The following GSAP variants were observed in gnomAD, a reference collection of about 807,000 sequenced individuals.
The protein encoded by GSAP is gamma-secretase-activating protein.
GSAP carries 118 observed loss-of-function variants against 131.7 expected under a neutral mutation model. The observed-to-expected ratio is 0.90, with a 90% confidence interval of 0.77 to 1.04. The LOEUF is 1.04. Among genes scored for constraint, GSAP ranks in the 50% least tolerant of loss-of-function variants. The pLI is 0.00. For missense variants in GSAP, 1,019 were observed against 1,013.2 expected (o/e 1.01, Z -0.08); for synonymous variants, 381 against 363.4 (o/e 1.05, Z -0.55).
intron 25 of GSAP, 26 bp from the exon 26 acceptor site, chr7:77,320,845 G>A: frequency 1.4e-6 from 2 of 1,401,950 alleles, no homozygotes; most frequent in Non-Finnish European, 2.0e-6. Flanking sequence ...AAAGCAGCAT[G>A]TCAGCCAAGG....
intron 28 of GSAP, 68 bp from the exon 29 acceptor site, chr7:77,312,270 T>TA: frequency 1.4e-6 from 1 of 719,624 alleles, no homozygotes; most frequent in Non-Finnish European, 2.3e-6. Flanking sequence ...ACCTTATATC[T>TA]ATTCATAATT....
At chr7:77,407,018 T>C (rs1013642669) in intron 1 of GSAP, among the ~76,000 whole-genome samples, 15 of 152,154 alleles carry the variant, frequency 9.9e-5, no homozygotes, top group Admixed American at 3.9e-4. Context: ...AGAGTATGGC[T>C]GGCCAGCGGG....
chr7:77,414,919 G>T (rs1395743157), intron 1 of GSAP, among the ~76,000 whole-genome samples: 6 of 127,716 alleles, frequency 4.7e-5, no homozygotes, highest in African/African-American at 8.9e-5. Flanking sequence ...GTGCAGTGGC[G>T]AGATCTCGGC....
rs886760904 is a variant in GSAP, at chr7:77,310,808, TAAAAA to T, written c.*545_*549del. 1 of 150,330 alleles carries T rather than the reference TAAAAA, an allele frequency of 6.7e-6. No individual in the cohort carries two copies. Among genetic ancestry groups the T allele is most frequent in the African/African-American group, 2.4e-5 (1 of 41,072 alleles). The allele number at this position is 150,330 out of a possible 1,614,324, so 9.3% of individuals were successfully genotyped here. A position where few individuals can be genotyped will look rare whatever the true frequency, so the allele number is the denominator to read the frequency against. Reference sequence around the variant, plus strand: ...TATTCCTAAATCAACCTTTTATAAATAAAAAAAAATAAATATGTTTCATCTGAATT... The same window carrying T: ...TATTCCTAAATCAACCTTTTATAAATAAAATAAATATGTTTCATCTGAATT... On this transcript the variant is annotated 3_prime_UTR_variant, in exon 31 of 31. Coordinates refer to ENST00000257626, the MANE Select transcript of GSAP (RefSeq NM_017439.4).
chr7:77,362,055 T>C (rs985300885), intron 13 of GSAP, among the ~76,000 whole-genome samples: 1 of 152,188 alleles, frequency 6.6e-6, no homozygotes, highest in African/African-American at 2.4e-5. Flanking sequence ...TAGAAAAATA[T>C]ATAGGCCAGG....
chr7:77,398,779 AAG>A (rs1554432540), intron 3 of GSAP, among the ~76,000 whole-genome samples: 1 of 152,102 alleles, frequency 6.6e-6, no homozygotes. Context: ...AACAAAAAAA[AAG>A]GTCAAAAGAA....
At chr7:77,351,547 C>G (rs964026423) in intron 18 of GSAP, 1 of 985,398 alleles carries the variant, frequency 1.0e-6, no homozygotes, top group East Asian at 1.1e-4. Flanking sequence ...AGTCCAACCA[C>G]AAGAAGTTTA....
At chr7:77,330,787 A>G (rs1366976621) in intron 19 of GSAP, 1 of 985,458 alleles carries the variant, frequency 1.0e-6, no homozygotes, top group African/African-American at 1.7e-5. Flanking sequence ...TAACATTTGG[A>G]TAAATGGAGT....
intron 23 of GSAP, among the ~76,000 whole-genome samples, chr7:77,324,003 G>A (rs1348615835): frequency 1.3e-5 from 2 of 152,164 alleles, no homozygotes; most frequent in East Asian, 1.9e-4. Flanking sequence ...ACTCTGACGA[G>A]AATCCTCCAA....
chr7:77,361,157 G>C (rs1251472660), intron 13 of GSAP, among the ~76,000 whole-genome samples: 1 of 152,168 alleles, frequency 6.6e-6, no homozygotes, highest in African/African-American at 2.4e-5. Flanking sequence ...ATTGTTCAGG[G>C]AGGAGAGGAT....
At chr7:77,407,990 G>A (rs899992549) in intron 1 of GSAP, among the ~76,000 whole-genome samples, 1 of 152,030 alleles carries the variant, frequency 6.6e-6, no homozygotes, top group Non-Finnish European at 1.5e-5. Context: ...ACCAAAAGAA[G>A]GTACAAATTG....
chr7:77,365,819 C>T (rs569505376), intron 12 of GSAP, among the ~76,000 whole-genome samples: 1 of 151,386 alleles, frequency 6.6e-6, no homozygotes, highest in South Asian at 2.1e-4. Context: ...CTGCTTTCCA[C>T]AATGGTAGAA....
At chr7:77,365,910 T>TG (rs1361371039) in intron 12 of GSAP, among the ~76,000 whole-genome samples, 1 of 150,688 alleles carries the variant, frequency 6.6e-6, no homozygotes, top group Non-Finnish European at 1.5e-5. Context: ...TTTTTTTTTT[T>TG]TTTTTTTTTT....
At chr7:77,385,557 A>G (rs773491396) in intron 6 of GSAP, among the ~76,000 whole-genome samples, 58 of 152,332 alleles carry the variant, frequency 3.8e-4, no homozygotes, top group Non-Finnish European at 6.3e-4. Context: ...AGGAAGCCAA[A>G]GAACAGACCA....
At chr7:77,353,704 G>A (rs925612610) in intron 16 of GSAP, 63 bp from the exon 17 acceptor site, 4 of 962,504 alleles carry the variant, frequency 4.2e-6, no homozygotes, top group Non-Finnish European at 6.6e-6. Flanking sequence ...CACTACCAAA[G>A]AAGTACAAAT....
chr7:77,397,288 G>T, intron 4 of GSAP, 58 bp downstream of exon 4: 2 of 1,025,154 alleles, frequency 2.0e-6, no homozygotes, highest in South Asian at 1.4e-5. Context: ...CTAATACTTT[G>T]AAACTCTTGA....
In GSAP at chr7:77,330,149, A is replaced by G. The variant is rs563896595; in HGVS notation, c.1674+90T>C. On this transcript the variant is annotated intron_variant, in intron 20 of 30. Transcript: ENST00000257626. ...CTGGCAATTGGGAAGAGTGCTGCAC[A>G]TGGAAGCCAGCCTTATGATTTAAAG... 2.3e-5 allele frequency: 34 copies of G among 1,458,468 alleles called. No homozygotes were observed. In the Admixed American group the frequency reaches 5.9e-4, roughly 25 times the overall value. 90.3% of individuals were successfully genotyped at this position (1,458,468 alleles called of 1,614,324 possible).
At chr7:77,383,677 A>G (rs754550219) in intron 6 of GSAP, among the ~76,000 whole-genome samples, 2 of 152,208 alleles carry the variant, frequency 1.3e-5, no homozygotes, top group Non-Finnish European at 2.9e-5. Context: ...CGGCTGTGAT[A>G]ATGAGGAAAA....
At position 77,397,030 on chromosome 7, in the gene GSAP, T is replaced by A. The variant is rs1355801035; in HGVS notation, c.319A>T (p.Ser107Cys). The A allele has an allele frequency of 6.3e-7, 1 of 1,594,432 alleles. No homozygotes were observed. Among genetic ancestry groups the A allele is most frequent in the Admixed American group, 1.7e-5 (1 of 58,812 alleles). The stretch of plus-strand genomic sequence containing the variant: ...CCTTCTTTAGTAGACTGAACTAAAC[T>A]TGCAGCTAATGGAAAAAGAAAAAAA... ...VNSERTLLAA[S>C]LVQSTKEGKR... The change falls in exon 5 of 31, where the codon AGT becomes TGT. Residue 107 changes from serine (S) to cysteine (C), a missense_variant. Transcript: ENST00000257626.
Sources: allele counts gnomAD v4.1 joint callset (sites outside exome capture counted in the v4.1 genomes callset), GRCh38; gene constraint gnomAD v4.1.1; transcripts MANE v1.5; gene names NCBI Gene and HGNC (gene_info 2026-07-23, HGNC 2026-07-21).